The following PTPRD variants were observed in gnomAD, a reference collection of about 807,000 sequenced individuals.
The protein encoded by PTPRD is protein tyrosine phosphatase receptor type D.
Under a neutral mutation model 214.5 loss-of-function variants are expected in PTPRD, and 34 were observed. The observed-to-expected ratio is 0.16, with a 90% confidence interval of 0.12 to 0.21. The LOEUF is 0.21. PTPRD is among the 10% of genes least tolerant of loss of function. The probability of loss-of-function intolerance (pLI) is 1.00; values close to 1 mark genes in which losing one functional copy is unlikely to be tolerated. For synonymous variants in PTPRD, 1,128 were observed against 845.7 expected (o/e 1.33, Z -5.79); for missense variants, 2,545 against 2,398.7 (o/e 1.06, Z -1.27).
chr9:9,994,059 G>C (rs2096043319), intron 4 of PTPRD, among the ~76,000 whole-genome samples: 2 of 152,040 alleles, frequency 1.3e-5, no homozygotes, highest in Admixed American at 1.3e-4. Context: ...GTACAAATAA[G>C]AAAACTGAGA....
At chr9:8,371,149 A>AACTC (rs1165044540) in intron 39 of PTPRD, among the ~76,000 whole-genome samples, 2 of 152,102 alleles carry the variant, frequency 1.3e-5, no homozygotes, top group African/African-American at 4.8e-5. Context: ...TAGAAAAAGG[A>AACTC]ACTCAGAAAT....
chr9:9,170,074 G>A (rs1479365294), intron 10 of PTPRD, among the ~76,000 whole-genome samples: 2 of 152,072 alleles, frequency 1.3e-5, no homozygotes, highest in East Asian at 3.9e-4. Context: ...AAGTTTTCCT[G>A]AAAATTAAAC....
intron 8 of PTPRD, among the ~76,000 whole-genome samples, chr9:9,493,941 T>A (rs2096051190): frequency 6.6e-6 from 1 of 152,068 alleles, no homozygotes; most frequent in African/African-American, 2.4e-5. Flanking sequence ...CAAATGCTAT[T>A]AAGAACATTT....
chr9:10,554,899 A>T (rs1239771480), intron 2 of PTPRD, among the ~76,000 whole-genome samples: 1 of 152,118 alleles, frequency 6.6e-6, no homozygotes, highest in African/African-American at 2.4e-5. Flanking sequence ...TGACCTCGTG[A>T]TCCGCCCACC....
chr9:9,788,978 G>A (rs527808126), intron 5 of PTPRD, among the ~76,000 whole-genome samples: 2 of 152,184 alleles, frequency 1.3e-5, no homozygotes, highest in Non-Finnish European at 2.9e-5. Flanking sequence ...TTCAAAAATT[G>A]ATTCAAAGTC....
intron 3 of PTPRD, among the ~76,000 whole-genome samples, chr9:10,312,120 C>T (rs889374143): frequency 1.3e-5 from 2 of 151,842 alleles, no homozygotes; most frequent in Non-Finnish European, 2.9e-5. Flanking sequence ...GGAATATAGT[C>T]AGTAGTCAGA....
At chr9:9,198,181 C>T (rs1319359935) in intron 9 of PTPRD, among the ~76,000 whole-genome samples, 4 of 152,088 alleles carry the variant, frequency 2.6e-5, no homozygotes, top group Non-Finnish European at 5.9e-5. Context: ...ATTTTAATTT[C>T]ACTTAGCACT....
At chr9:9,634,500 A>C (rs1450991856) in intron 7 of PTPRD, among the ~76,000 whole-genome samples, 1 of 152,212 alleles carries the variant, frequency 6.6e-6, no homozygotes, top group Non-Finnish European at 1.5e-5. Flanking sequence ...TAATTCAACA[A>C]TAAATTTGCT....
intron 9 of PTPRD, among the ~76,000 whole-genome samples, chr9:9,293,468 T>A (rs1249878099): frequency 6.6e-6 from 1 of 151,240 alleles, no homozygotes; most frequent in African/African-American, 2.4e-5. Flanking sequence ...CTTGTGTAGT[T>A]CCTGCTCCAG....
chr9:10,491,119 A>C (rs1489025556), intron 2 of PTPRD, among the ~76,000 whole-genome samples: 1 of 152,216 alleles, frequency 6.6e-6, no homozygotes, highest in Non-Finnish European at 1.5e-5. Context: ...CGCTATAAGC[A>C]TATCCAGGAT....
chr9:8,378,831 A>C (rs2084047628), intron 37 of PTPRD, among the ~76,000 whole-genome samples: 1 of 152,106 alleles, frequency 6.6e-6, no homozygotes. Context: ...TGAAGGAAAG[A>C]ATGAGAAGGC....
chr9:9,978,692 G>A (rs138490281), intron 4 of PTPRD, among the ~76,000 whole-genome samples: 27 of 152,068 alleles, frequency 1.8e-4, no homozygotes, highest in African/African-American at 6.3e-4. Flanking sequence ...TATAATGACT[G>A]AGAATTTTAG....
intron 3 of PTPRD, among the ~76,000 whole-genome samples, chr9:10,322,397 C>T (rs1349708206): frequency 1.3e-5 from 2 of 151,988 alleles, no homozygotes; most frequent in East Asian, 3.9e-4. Flanking sequence ...TACATGCTAG[C>T]CCCAAATCTG....
chr9:9,562,011 C>T (rs2083094624), intron 8 of PTPRD, among the ~76,000 whole-genome samples: 2 of 152,164 alleles, frequency 1.3e-5, no homozygotes. Context: ...CAAAATGAAG[C>T]CTCATATATC....
At chr9:8,985,076 A>C (rs1415269259) in intron 11 of PTPRD, among the ~76,000 whole-genome samples, 2 of 152,082 alleles carry the variant, frequency 1.3e-5, no homozygotes, top group African/African-American at 4.8e-5. Flanking sequence ...AAAGAAAAAC[A>C]TCTCGCAACA....
At chr9:9,389,405 G>A (rs1016548785) in intron 9 of PTPRD, among the ~76,000 whole-genome samples, 12 of 152,092 alleles carry the variant, frequency 7.9e-5, no homozygotes, top group Non-Finnish European at 1.5e-4. Context: ...AGCTACTCGG[G>A]AGGCTGAGGT....
At chr9:9,491,288 G>C (rs1401460054) in intron 8 of PTPRD, among the ~76,000 whole-genome samples, 1 of 151,750 alleles carries the variant, frequency 6.6e-6, no homozygotes, top group African/African-American at 2.4e-5. Context: ...ACAGACCATA[G>C]AGACATATGA....
intron 8 of PTPRD, among the ~76,000 whole-genome samples, chr9:9,457,011 G>C (rs1297111268): frequency 6.6e-6 from 1 of 151,870 alleles, no homozygotes; most frequent in East Asian, 1.9e-4. Context: ...GGTCCAAATG[G>C]CATGCCCAGT....
At chr9:9,958,103 T>G (rs1157244070) in intron 4 of PTPRD, among the ~76,000 whole-genome samples, 2 of 152,166 alleles carry the variant, frequency 1.3e-5, no homozygotes, top group Non-Finnish European at 2.9e-5. Context: ...CACCTAAATA[T>G]TAAATCAACT....
Sources: allele counts gnomAD v4.1 joint callset (sites outside exome capture counted in the v4.1 genomes callset), GRCh38; gene constraint gnomAD v4.1.1; transcripts MANE v1.5; gene names NCBI Gene and HGNC (gene_info 2026-07-23, HGNC 2026-07-21).